The following POLR2E variants were observed in gnomAD, a reference collection of about 807,000 sequenced individuals.
POLR2E encodes RNA polymerase II, I and III subunit E.
Under a neutral mutation model 29.8 loss-of-function variants are expected in POLR2E, and 35 were observed. That is an observed-to-expected ratio of 1.17 (90% CI 0.90 to 1.55). The LOEUF (loss-of-function observed/expected upper bound fraction) is 1.55, where lower values mean the gene tolerates loss of function less well. Ranked by LOEUF, POLR2E falls within the 40% of genes most tolerant of loss-of-function variation. The pLI is 0.00. For synonymous variants in POLR2E, 174 were observed against 112.6 expected, an observed-to-expected ratio of 1.55 and a Z score of -3.45; for missense variants, 287 against 288.6, an observed-to-expected ratio of 0.99 and a Z score of 0.04.
intron 7 of POLR2E, among the ~76,000 whole-genome samples, chr19:1,089,131 G>A (rs1042873894): frequency 6.6e-6 from 1 of 152,206 alleles, no homozygotes; most frequent in Non-Finnish European, 1.5e-5. Context: ...CTCAGCTCTG[G>A]GGTCTCTGGG....
intron 6 of POLR2E, 115 bp downstream of exon 6, chr19:1,089,769 G>T: frequency 1.1e-6 from 1 of 893,646 alleles, no homozygotes; most frequent in Non-Finnish European, 1.8e-6. Flanking sequence ...TGGTCTCGAG[G>T]TCCCCTCCAG....
chr19:1,090,918 G>C lies in POLR2E; in HGVS notation c.419C>G (p.Thr140Arg). 2 of 1,612,992 alleles carry C rather than the reference G, an allele frequency of 1.2e-6. No individual in the cohort carries two copies. Among genetic ancestry groups the C allele is most frequent in the Non-Finnish European group, 1.7e-6 (2 of 1,179,802 alleles). ...FLQQELLINITEHELVPEHVV... is the reference protein window; with the variant it reads ...FLQQELLINIREHELVPEHVV... ...GCGGCGCGCGCCCACCTCGTGCTCC[G>C]TGATGTTGATGAGCAGCTCCTGCTG... Residue 140 changes from threonine to arginine, a missense_variant, in exon 4 of 8, where the codon ACG (threonine) becomes AGG (arginine). By Grantham distance (71) the Thr-to-Arg change is moderately conservative. Transcript: ENST00000615234.
At chr19:1,088,928 C>T (rs951622924) in intron 7 of POLR2E, among the ~76,000 whole-genome samples, 7 of 152,136 alleles carry the variant, frequency 4.6e-5, no homozygotes, top group Middle Eastern at 3.2e-3. Context: ...CAGCGTCAGA[C>T]CAGGCCAAGC....
At position 1,090,929 on chromosome 19, in the gene POLR2E, G is replaced by A. The variant is rs1048793143; in HGVS notation, c.408C>T (p.Leu136=). 1.2e-6 allele frequency: 2 copies of A among 1,613,416 alleles called. No individual in the cohort carries two copies. Among genetic ancestry groups the A allele is most frequent in the Non-Finnish European group, 8.5e-7 (1 of 1,179,904 alleles). The change falls in exon 4 of 8, where the codon CTC becomes CTT. Residue 136 remains leucine, a synonymous_variant. Transcript: ENST00000615234. ...ILEQFLQQEL[L]INITEHELVP... is the part of the protein sequence containing the mutation. ...CCACCTCGTGCTCCGTGATGTTGAT[G>A]AGCAGCTCCTGCTGCAGAAACTGCT...
chr19:1,091,144 A>G (rs956059490), intron 3 of POLR2E, among the ~76,000 whole-genome samples, 156 bp from the exon 4 acceptor site: 1 of 152,202 alleles, frequency 6.6e-6, no homozygotes, highest in African/African-American at 2.4e-5. Flanking sequence ...AGCCTTCAAC[A>G]GCCCGCCCCT....
chr19:1,094,344 G>A (rs924477780), intron 1 of POLR2E: 3 of 458,048 alleles, frequency 6.5e-6, no homozygotes, highest in Non-Finnish European at 1.2e-5. Flanking sequence ...AAACCTGGCA[G>A]GGAGCAAAGC....
At position 1,089,876 on chromosome 19, in the gene POLR2E, G is replaced by C. The variant is rs767136533; in HGVS notation, c.567+8C>G. 2 of 1,609,398 alleles carry C rather than the reference G, an allele frequency of 1.2e-6. No homozygotes were observed. Among genetic ancestry groups the C allele is most frequent in the Non-Finnish European group, 1.7e-6 (2 of 1,177,886 alleles). On this transcript the variant is annotated splice_region_variant and intron_variant, in intron 6 of 7. Coordinates refer to ENST00000615234, the MANE Select transcript of POLR2E (RefSeq NM_002695.5). The stretch of plus-strand genomic sequence containing the variant: ...AGCCCCAGGGCCCCTTCTCCCCACA[G>C]GGCTCACCTGCCCACGCTTTATCCC...
chr19:1,091,986 G>A lies in POLR2E; in HGVS notation c.233-79C>T, dbSNP rs564619187. 4 of 978,776 alleles carry A rather than the reference G, an allele frequency of 4.1e-6. No individual in the cohort carries two copies. The African/African-American group carries it at 4.8e-5, about 12-fold the overall frequency. 60.6% of individuals were successfully genotyped at this position (978,776 alleles called of 1,614,324 possible). A position where few individuals can be genotyped will look rare whatever the true frequency, so the allele number is the denominator to read the frequency against. ...CCCACCCAGAGCCCAGAGCACCCAG[G>A]TTCCAGCCCCATTCCACACAGGTGT... On this transcript the variant is annotated intron_variant, in intron 2 of 7. Coordinates refer to ENST00000615234, the MANE Select transcript of POLR2E (RefSeq NM_002695.5).
rs1362481178 is a variant in POLR2E at position 1,089,854 on chromosome 19, C to A, written c.567+30G>T. ...CTCCGAGTGGTCAGCTCAGAGCAGC[C>A]CCAGGGCCCCTTCTCCCCACAGGGC... On this transcript the variant is annotated intron_variant, in intron 6 of 7. Coordinates refer to ENST00000615234, the MANE Select transcript of POLR2E (RefSeq NM_002695.5). 5 of 1,571,892 alleles carry A rather than the reference C, an allele frequency of 3.2e-6. No individual in the cohort carries two copies. The Admixed American group carries it at 8.4e-5, about 26-fold the overall frequency.
At chr19:1,091,743 G>GGAGGCTGGGGAGGGGGA in intron 3 of POLR2E, 49 bp downstream of exon 3, 1 of 1,267,672 alleles carries the variant, frequency 7.9e-7, no homozygotes, top group Non-Finnish European at 1.1e-6. Flanking sequence ...GCTTGCGGGA[G>GGAGGCTGGGGAGGGGGA]GAGGCTGGGG....
At chr19:1,092,513 A>C (rs1221216360) in intron 2 of POLR2E, among the ~76,000 whole-genome samples, 1 of 151,434 alleles carries the variant, frequency 6.6e-6, no homozygotes, top group East Asian at 2.0e-4. Flanking sequence ...CACCCTGGCT[A>C]ACAAGGTGAA....
At chr19:1,092,510 G>C (rs1032388186) in intron 2 of POLR2E, among the ~76,000 whole-genome samples, 1 of 151,232 alleles carries the variant, frequency 6.6e-6, no homozygotes, top group South Asian at 2.1e-4. Flanking sequence ...GACCACCCTG[G>C]CTAACAAGGT....
chr19:1,093,532 C>T (rs551733608), intron 2 of POLR2E, among the ~76,000 whole-genome samples: 1 of 152,108 alleles, frequency 6.6e-6, no homozygotes, highest in African/African-American at 2.4e-5. Context: ...GGAGGCTGCG[C>T]TGACCCAGAC....
Position 1,089,954 on chromosome 19 carries a change from C to G in POLR2E, c.497G>C (p.Arg166Pro), listed in dbSNP as rs1055376064. 6.2e-7 allele frequency: 1 copy of G among 1,610,740 alleles called. No individual in the cohort carries two copies. The highest frequency in any genetic ancestry group is 1.3e-5 in the African/African-American group (1 of 74,166). The change falls in exon 6 of 8, where the codon CGA (arginine) becomes CCA (proline). Residue 166 changes from arginine to proline, a missense_variant. Transcript: ENST00000615234. ...CTGGATCCTGGGCAGCTGGTTCTCT[C>G]GGAGCTTACTGCGAAGCACCGTCAG... ...VTELLARYKL[R>P]ENQLPRIQAG...
At chr19:1,093,761 G>C in intron 2 of POLR2E, 143 bp downstream of exon 2, 3 of 1,414,250 alleles carry the variant, frequency 2.1e-6, no homozygotes, top group Non-Finnish European at 2.8e-6. Flanking sequence ...CCCACAGCAA[G>C]GAAGGGGAGG....
At position 1,087,780 on chromosome 19, in the gene POLR2E, C is replaced by T. The variant is rs1473232767; in HGVS notation, c.*955G>A. ...CACAGAACAGTGGGCGCGTTACAGA[C>T]CACCGACCGCCCGAGGGTGAATTAC... is the stretch of plus-strand genomic sequence containing the variant. On this transcript the variant is annotated 3_prime_UTR_variant, in exon 8 of 8. Coordinates refer to ENST00000615234, the MANE Select transcript of POLR2E (RefSeq NM_002695.5). 1 of 152,344 alleles carries T rather than the reference C, an allele frequency of 6.6e-6. No homozygotes were observed. The highest frequency in any genetic ancestry group is 1.5e-5 in the Non-Finnish European group (1 of 68,056). The allele number at this position is 152,344 out of a possible 1,614,324, so 9.4% of individuals were successfully genotyped here. A position where few individuals can be genotyped will look rare whatever the true frequency, so the allele number is the denominator to read the frequency against.
Position 1,090,019 on chromosome 19 carries a change from TGTG to T in POLR2E, c.489-60_489-58del, listed in dbSNP as rs557378101. 6.6e-3 allele frequency: 5,620 copies of T among 847,812 alleles called. 26 individuals are homozygous for T. The highest frequency in any genetic ancestry group is 0.013 in the East Asian group (407 of 30,416). The allele number at this position is 847,812 out of a possible 1,614,324, so 52.5% of individuals were successfully genotyped here. On this transcript the variant is annotated intron_variant, in intron 5 of 7. Transcript: ENST00000615234. ...GGGCCGTTGGGGGGGCAGGGGTGTGTGTGGGGGGGGAACGCGGAAGTCTCGAGG... is the reference window on the plus strand; with the variant it reads ...GGGCCGTTGGGGGGGCAGGGGTGTGTGGGGGGGAACGCGGAAGTCTCGAGG...
intron 2 of POLR2E, among the ~76,000 whole-genome samples, chr19:1,093,465 GA>G (rs1467593801): frequency 6.6e-6 from 1 of 152,124 alleles, no homozygotes; most frequent in Non-Finnish European, 1.5e-5. Flanking sequence ...TGACAGGGGA[GA>G]GGGGGCATGG....
At chr19:1,091,756 G>A (rs756762676) in intron 3 of POLR2E, 36 bp downstream of exon 3, 6 of 1,378,372 alleles carry the variant, frequency 4.4e-6, no homozygotes, top group African/African-American at 2.8e-5. Context: ...GGCTGGGGAG[G>A]GGGAGAGGCT....
Sources: allele counts gnomAD v4.1 joint callset (sites outside exome capture counted in the v4.1 genomes callset), GRCh38; gene constraint gnomAD v4.1.1; transcripts MANE v1.5; gene names NCBI Gene and HGNC (gene_info 2026-07-23, HGNC 2026-07-21).